CENPK: variants seen among roughly 807,000 people sequenced by gnomAD.
CENPK encodes SoxLZ/Sox6-binding protein Solt.
A neutral mutation model predicts 40.9 loss-of-function variants in CENPK; 46 were observed. That is an observed-to-expected ratio of 1.13 (90% CI 0.89 to 1.44). The LOEUF is 1.44. Ranked by LOEUF, CENPK falls within the 40% of genes most tolerant of loss-of-function variation. The probability of loss-of-function intolerance (pLI) is 0.00; values close to 1 mark genes in which losing one functional copy is unlikely to be tolerated. For synonymous variants in CENPK, 107 were observed against 104.4 expected (o/e 1.02, Z -0.15); for missense variants, 288 against 303.5 (o/e 0.95, Z 0.38).
At chr5:65,499,322 T>C in the CENPK span, among the ~76,000 whole-genome samples, 14 of 151,106 alleles carry the variant, frequency 9.3e-5, no homozygotes, top group Non-Finnish European at 1.9e-4. Flanking sequence ...TGACAGTTCG[T>C]TGAGCAATTG....
intron 5 of CENPK, among the ~76,000 whole-genome samples, chr5:65,549,438 T>C (rs1231013159): frequency 6.6e-6 from 1 of 152,184 alleles, no homozygotes; most frequent in Non-Finnish European, 1.5e-5. Context: ...AGTCAACCTG[T>C]CCTTTTGAAG....
the CENPK span, among the ~76,000 whole-genome samples, chr5:65,499,669 T>TAAA: frequency 6.4e-4 from 22 of 34,222 alleles, no homozygotes; most frequent in East Asian, 6.3e-3. Context: ...TTTTTTTAAT[T>TAAA]TTTTTTTTTT....
chr5:65,529,163 A>G lies in CENPK; in HGVS notation c.325T>C (p.Ser109Pro). The G allele has an allele frequency of 6.2e-7, 1 of 1,610,880 alleles. No homozygotes were observed. Among genetic ancestry groups the G allele is most frequent in the Non-Finnish European group, 8.5e-7 (1 of 1,177,984 alleles). Residue 109 changes from serine (S) to proline (P), a missense_variant, in exon 7 of 11, where the codon TCC becomes CCC. Coordinates refer to ENST00000396679, the MANE Select transcript of CENPK (RefSeq NM_022145.5). Reference protein sequence around the residue: ...KLRQDLEMVLSTKESKNEKLK... With the variant: ...KLRQDLEMVLPTKESKNEKLK... ...TTTTCATTCTTTGACTCCTTAGTGG[A>G]CAGTACCATTTCAAGATCTTGTCTC... is the stretch of plus-strand genomic sequence containing the variant.
chr5:65,501,824 C>T, the CENPK span, among the ~76,000 whole-genome samples: 32 of 152,304 alleles, frequency 2.1e-4, no homozygotes, highest in East Asian at 6.2e-3. Context: ...AAGGAAGGAG[C>T]ACCTTGTTAC....
intron 1 of CENPK, 71 bp from the exon 2 acceptor site, chr5:65,561,635 T>C: frequency 3.0e-6 from 1 of 334,636 alleles, no homozygotes; most frequent in Non-Finnish European, 6.2e-6. Context: ...AGTTGAACTT[T>C]TCCCGTTCCC....
intron 9 of CENPK, among the ~76,000 whole-genome samples, chr5:65,528,245 C>T (rs1050199590): frequency 6.6e-6 from 1 of 150,424 alleles, no homozygotes; most frequent in Non-Finnish European, 1.5e-5. Flanking sequence ...TGTCCCCCCG[C>T]CCCCCTGCCC....
intron 2 of CENPK, among the ~76,000 whole-genome samples, chr5:65,558,086 C>G (rs1751289235): frequency 6.6e-6 from 1 of 152,096 alleles, no homozygotes; most frequent in Non-Finnish European, 1.5e-5. Context: ...GCACTCCACC[C>G]TGGGTGACAA....
chr5:65,550,274 C>G lies in CENPK; in HGVS notation c.241+1290G>C, dbSNP rs139985886. Among the ~76,000 whole-genome samples, 112 of 152,214 alleles carry G rather than the reference C, an allele frequency of 7.4e-4. No homozygotes were observed. In the East Asian group the frequency reaches 0.02, roughly 28 times the overall value. Reference sequence around the variant, plus strand: ...TTGGCCTATCTTGGCTTCTGACATGCCTTCCTCATGAAACTTAATCATTTC... The same window carrying G: ...TTGGCCTATCTTGGCTTCTGACATGGCTTCCTCATGAAACTTAATCATTTC... On this transcript the variant is annotated intron_variant, in intron 5 of 10. Transcript: ENST00000396679.
chr5:65,510,431 A>T, the CENPK span, among the ~76,000 whole-genome samples: 1 of 152,172 alleles, frequency 6.6e-6, no homozygotes, highest in Non-Finnish European at 1.5e-5. Flanking sequence ...CAGTATTGAC[A>T]GGCAGGGAGT....
intron 5 of CENPK, among the ~76,000 whole-genome samples, chr5:65,544,429 T>C (rs913658325): frequency 3.3e-5 from 5 of 152,154 alleles, no homozygotes; most frequent in African/African-American, 1.2e-4. Flanking sequence ...CCATGTGCAC[T>C]GTCGGTGGGA....
the CENPK span, among the ~76,000 whole-genome samples, chr5:65,502,323 G>T: frequency 6.6e-6 from 1 of 152,148 alleles, no homozygotes; most frequent in African/African-American, 2.4e-5. Context: ...AAGGCAAAAA[G>T]AAAACTGCTG....
chr5:65,533,081 CA>C (rs1746179131), intron 6 of CENPK, among the ~76,000 whole-genome samples: 2 of 151,654 alleles, frequency 1.3e-5, no homozygotes, highest in African/African-American at 2.4e-5. Flanking sequence ...AGACTTAGGC[CA>C]GGGGCGGTGG....
chr5:65,530,044 C>T (rs1390498715), intron 6 of CENPK, among the ~76,000 whole-genome samples: 3 of 151,856 alleles, frequency 2.0e-5, no homozygotes, highest in African/African-American at 7.3e-5. Flanking sequence ...ACTTCATGAT[C>T]CACCCGCCTC....
intron 6 of CENPK, among the ~76,000 whole-genome samples, chr5:65,539,548 A>G (rs1371844003): frequency 2.6e-5 from 4 of 152,244 alleles, no homozygotes; most frequent in Non-Finnish European, 5.9e-5. Context: ...CTTTGGTTCA[A>G]TGCTGTCTTC....
At chr5:65,525,373 A>C (rs1281168324) in intron 9 of CENPK, among the ~76,000 whole-genome samples, 1 of 152,148 alleles carries the variant, frequency 6.6e-6, no homozygotes, top group African/African-American at 2.4e-5. Flanking sequence ...CTCAAAAAAA[A>C]AAAAGTAAAA....
downstream of CENPK, among the ~76,000 whole-genome samples, chr5:65,515,318 T>C (rs1379028774): frequency 6.7e-6 from 1 of 149,884 alleles, no homozygotes; most frequent in Non-Finnish European, 1.5e-5. Flanking sequence ...ATCCTCCGCC[T>C]CAGCCTCCCA....
intron 5 of CENPK, among the ~76,000 whole-genome samples, chr5:65,545,136 G>C (rs1347217686): frequency 1.3e-5 from 2 of 152,014 alleles, no homozygotes; most frequent in Non-Finnish European, 2.9e-5. Flanking sequence ...GGAGAAAGGT[G>C]GGGGGAGTTG....
intron 5 of CENPK, among the ~76,000 whole-genome samples, chr5:65,546,646 G>A (rs1749039388): frequency 1.3e-5 from 2 of 152,180 alleles, no homozygotes; most frequent in Non-Finnish European, 2.9e-5. Flanking sequence ...AGATAATTAA[G>A]TTAAAATTAG....
chr5:65,524,098 G>A (rs1017712813), intron 9 of CENPK, among the ~76,000 whole-genome samples: 4 of 152,084 alleles, frequency 2.6e-5, no homozygotes, highest in Non-Finnish European at 5.9e-5. Flanking sequence ...GGCTTGGCCC[G>A]GGCACGGTGG....
Sources: gnomAD v4.1 joint callset for allele counts (sites outside exome capture counted in the v4.1 genomes callset) on GRCh38, gnomAD v4.1.1 for gene constraint, MANE v1.5 for transcripts, NCBI Gene and HGNC (gene_info 2026-07-23, HGNC 2026-07-21) for gene names.